The following BCKDHB variants were observed in gnomAD, a reference collection of about 807,000 sequenced individuals.
The protein encoded by BCKDHB is branched chain keto acid dehydrogenase E1 subunit beta, also known as 2-oxoisovalerate dehydrogenase subunit beta, mitochondrial.
A neutral mutation model predicts 48.5 loss-of-function variants in BCKDHB; 41 were observed. The ratio of observed to expected loss-of-function variants is 0.85; its 90% CI spans 0.66 to 1.10. The LOEUF (loss-of-function observed/expected upper bound fraction) is 1.10. Ranked by LOEUF, BCKDHB falls within the 50% of genes least tolerant of loss-of-function variation. The pLI is 0.00. For missense variants in BCKDHB, 496 were observed against 494.2 expected, an observed-to-expected ratio of 1.00 and a Z score of -0.03; for synonymous variants, 201 against 174.8, an observed-to-expected ratio of 1.15 and a Z score of -1.18.
intron 9 of BCKDHB, among the ~76,000 whole-genome samples, chr6:80,307,023 C>T (rs186816875): frequency 1.3e-5 from 2 of 152,228 alleles, no homozygotes; most frequent in Admixed American, 1.3e-4. Flanking sequence ...CATATTGAGC[C>T]GGGGTCCTCA....
chr6:80,172,976 A>G (rs1772987053), intron 6 of BCKDHB, among the ~76,000 whole-genome samples: 1 of 152,124 alleles, frequency 6.6e-6, no homozygotes, highest in African/African-American at 2.4e-5. Flanking sequence ...TAGCTTTTTG[A>G]TGAAAAGGAT....
At chr6:80,133,800 A>G (rs566312599) in intron 3 of BCKDHB, among the ~76,000 whole-genome samples, 1 of 151,856 alleles carries the variant, frequency 6.6e-6, no homozygotes, top group South Asian at 2.1e-4. Flanking sequence ...CCACCACCAC[A>G]CCTGGCTAAT....
the BCKDHB span, among the ~76,000 whole-genome samples, chr6:80,365,144 G>T: frequency 0.44 from 66,357 of 150,792 alleles, 13,755 homozygotes; most frequent in Non-Finnish European, 0.55. Context: ...AAAGGCAAAA[G>T]CAGAACTACT....
At chr6:80,397,927 A>G in the BCKDHB span, among the ~76,000 whole-genome samples, 7 of 152,120 alleles carry the variant, frequency 4.6e-5, no homozygotes, top group African/African-American at 1.7e-4. Context: ...AATAAACCTT[A>G]CTGAAAACCA....
intron 8 of BCKDHB, among the ~76,000 whole-genome samples, chr6:80,234,763 A>G (rs1776076638): frequency 6.6e-6 from 1 of 152,170 alleles, no homozygotes; most frequent in Non-Finnish European, 1.5e-5. Flanking sequence ...ACAATTCATA[A>G]TAGCCAAGAT....
chr6:80,457,424 C>G, the BCKDHB span, among the ~76,000 whole-genome samples: 407 of 152,340 alleles, frequency 2.7e-3, 3 homozygotes, highest in Non-Finnish European at 4.2e-3. Flanking sequence ...CTCACCTCCT[C>G]TGCAAATCCT....
chr6:80,190,809 C>G (rs1034486216), intron 6 of BCKDHB, among the ~76,000 whole-genome samples: 24 of 152,118 alleles, frequency 1.6e-4, no homozygotes, highest in African/African-American at 5.6e-4. Context: ...TTCCTCACCC[C>G]TTTGCTAGCT....
At chr6:80,127,440 C>G in intron 1 of BCKDHB, 107 bp from the exon 2 acceptor site, 1 of 901,252 alleles carries the variant, frequency 1.1e-6, no homozygotes, top group Non-Finnish European at 1.8e-6. Context: ...TGCATAATAT[C>G]TTTCTTTGTA....
the BCKDHB span, among the ~76,000 whole-genome samples, chr6:80,416,404 A>G: frequency 6.6e-6 from 1 of 151,548 alleles, no homozygotes. Context: ...TAACATTTTG[A>G]TGTGGTCATA....
At chr6:80,387,776 C>T in the BCKDHB span, among the ~76,000 whole-genome samples, 1 of 152,228 alleles carries the variant, frequency 6.6e-6, no homozygotes, top group Non-Finnish European at 1.5e-5. Flanking sequence ...GACTTTGTGT[C>T]ATAATCTTAT....
At chr6:80,417,092 T>C in the BCKDHB span, among the ~76,000 whole-genome samples, 1 of 152,222 alleles carries the variant, frequency 6.6e-6, no homozygotes, top group Admixed American at 6.6e-5. Context: ...AATTGAACTC[T>C]TGACCATTAT....
chr6:80,121,182 G>C (rs1401406224), intron 1 of BCKDHB, among the ~76,000 whole-genome samples: 1 of 152,056 alleles, frequency 6.6e-6, no homozygotes, highest in Non-Finnish European at 1.5e-5. Flanking sequence ...TAGATTTGTG[G>C]CATTATTTTT....
rs749246466 is a variant in BCKDHB at position 80,273,181 on chromosome 6, T to G, written c.998T>G (p.Leu333Trp). 1 of 1,613,632 alleles carries G rather than the reference T, an allele frequency of 6.2e-7. No homozygotes were observed. The highest frequency in any genetic ancestry group is 8.5e-7 in the Non-Finnish European group (1 of 1,179,686). Reference protein sequence around the residue: ...GRLLISHEAPLTGGFASEISS... With the variant: ...GRLLISHEAPWTGGFASEISS... ...CTGCTAATCAGTCACGAGGCTCCCTTGACAGGCGGCTTTGCATCGGAAATC... is the reference window on the plus strand; with the variant it reads ...CTGCTAATCAGTCACGAGGCTCCCTGGACAGGCGGCTTTGCATCGGAAATC... Residue 333 changes from leucine to tryptophan, a missense_variant, in exon 9 of 10, where the codon TTG becomes TGG. By Grantham distance (61) the Leu-to-Trp change is moderately conservative. Coordinates refer to ENST00000320393, the MANE Select transcript of BCKDHB (RefSeq NM_183050.4).
At chr6:80,176,778 C>CCTCTCTGG (rs1163558678) in intron 6 of BCKDHB, among the ~76,000 whole-genome samples, 1 of 152,110 alleles carries the variant, frequency 6.6e-6, no homozygotes, top group Admixed American at 6.5e-5. Context: ...GAAACAAAAT[C>CCTCTCTGG]CTCTCTGGAG....
chr6:80,453,942 T>A, the BCKDHB span, among the ~76,000 whole-genome samples: 1 of 152,216 alleles, frequency 6.6e-6, no homozygotes, highest in Non-Finnish European at 1.5e-5. Context: ...CACTGCTGCC[T>A]TGTTTTTCCA....
chr6:80,273,042 T>C, intron 8 of BCKDHB, 93 bp from the exon 9 acceptor site: 1 of 900,114 alleles, frequency 1.1e-6, no homozygotes, highest in Non-Finnish European at 1.8e-6. Flanking sequence ...TTATTGAATG[T>C]ATATAATTTA....
At chr6:80,192,985 A>G (rs931309965) in intron 6 of BCKDHB, among the ~76,000 whole-genome samples, 1 of 151,492 alleles carries the variant, frequency 6.6e-6, no homozygotes, top group Non-Finnish European at 1.5e-5. Context: ...TGCCTGGCTA[A>G]TTTTTTTCTA....
the BCKDHB span, among the ~76,000 whole-genome samples, chr6:80,359,012 G>A: frequency 6.6e-6 from 1 of 152,186 alleles, no homozygotes; most frequent in South Asian, 2.1e-4. Context: ...GTGTGTACAT[G>A]AGAGGATTTA....
At chr6:80,112,203 G>A (rs189548761) in intron 1 of BCKDHB, among the ~76,000 whole-genome samples, 10 of 152,256 alleles carry the variant, frequency 6.6e-5, no homozygotes, top group Non-Finnish European at 1.3e-4. Flanking sequence ...AGATCCAATA[G>A]CTTTTTACCT....
Sources: allele counts gnomAD v4.1 joint callset (sites outside exome capture counted in the v4.1 genomes callset), GRCh38; gene constraint gnomAD v4.1.1; transcripts MANE v1.5; gene names NCBI Gene and HGNC (gene_info 2026-07-23, HGNC 2026-07-21).